Variants in ARHGAP26 observed in about 807,000 individuals in gnomAD.
ARHGAP26 encodes rho GTPase-activating protein 26.
Under a neutral mutation model 104.8 loss-of-function variants are expected in ARHGAP26, and 38 were observed. The observed-to-expected ratio is 0.36, with a 90% confidence interval of 0.28 to 0.48. The LOEUF is 0.48. Among genes scored for constraint, ARHGAP26 ranks in the 20% least tolerant of loss-of-function variants. The pLI is 0.99. For missense variants in ARHGAP26, 704 were observed against 947.9 expected (o/e 0.74, Z 3.38); for synonymous variants, 341 against 340.0 (o/e 1.00, Z -0.03).
In ARHGAP26 at chr5:143,214,019, G is replaced by GTT. The variant is rs1441541073; in HGVS notation, c.2122_2123insTT (p.Ala708ValfsTer38). The GTT allele has an allele frequency of 6.3e-7, 1 of 1,593,366 alleles. No homozygotes were observed. The highest frequency in any genetic ancestry group is 8.6e-7 in the Non-Finnish European group (1 of 1,165,934). ...CAGCACACCGTTCCGGAAGGCAAAA[G>GTT]CCTTGTATGCCTGCAAAGCTGAACA... On this transcript the variant is annotated frameshift_variant, in exon 22 of 23. Coordinates refer to ENST00000645722, the MANE Select transcript of ARHGAP26 (RefSeq NM_001135608.3). LOFTEE classifies it high-confidence loss of function.
At chr5:142,846,635 C>T (rs1050964225) in intron 1 of ARHGAP26, among the ~76,000 whole-genome samples, 1 of 152,138 alleles carries the variant, frequency 6.6e-6, no homozygotes, top group African/African-American at 2.4e-5. Flanking sequence ...CTTTATACCC[C>T]AGAATGAAGA....
chr5:142,906,501 C>T (rs1761126126), intron 8 of ARHGAP26, among the ~76,000 whole-genome samples: 1 of 152,192 alleles, frequency 6.6e-6, no homozygotes, highest in Admixed American at 6.5e-5. Flanking sequence ...CTTCCTCCCT[C>T]TCTCCCTTCC....
At chr5:143,078,077 G>C (rs1004017955) in intron 17 of ARHGAP26, among the ~76,000 whole-genome samples, 1 of 152,222 alleles carries the variant, frequency 6.6e-6, no homozygotes, top group Non-Finnish European at 1.5e-5. Context: ...ACAGGAAGAA[G>C]GGAGGGAGGA....
chr5:143,101,802 G>A (rs1793275341), intron 17 of ARHGAP26, among the ~76,000 whole-genome samples: 1 of 151,672 alleles, frequency 6.6e-6, no homozygotes, highest in African/African-American at 2.4e-5. Flanking sequence ...AATTTAACTG[G>A]ACAAGATAGG....
intron 19 of ARHGAP26, among the ~76,000 whole-genome samples, chr5:143,138,739 A>G (rs1010064449): frequency 1.2e-4 from 18 of 152,254 alleles, no homozygotes; most frequent in African/African-American, 3.6e-4. Context: ...CTATGACTAT[A>G]TAACTTACCA....
intron 20 of ARHGAP26, among the ~76,000 whole-genome samples, chr5:143,195,335 A>G (rs1456909405): frequency 6.6e-6 from 1 of 152,200 alleles, no homozygotes; most frequent in Non-Finnish European, 1.5e-5. Context: ...GTAAGCTGAA[A>G]TGCCTTGGGC....
At chr5:142,916,485 T>A (rs1484290974) in intron 10 of ARHGAP26, among the ~76,000 whole-genome samples, 1 of 152,228 alleles carries the variant, frequency 6.6e-6, no homozygotes, top group Non-Finnish European at 1.5e-5. Context: ...AATCCATATT[T>A]TCAAGCTTTT....
intron 20 of ARHGAP26, chr5:143,169,712 A>AC (rs1230786766): frequency 1.3e-5 from 2 of 152,174 alleles, no homozygotes; most frequent in East Asian, 3.9e-4. Flanking sequence ...GGAGAACAAC[A>AC]CCCAAGGCAC....
At chr5:142,846,681 T>A (rs1398967240) in intron 1 of ARHGAP26, among the ~76,000 whole-genome samples, 1 of 152,216 alleles carries the variant, frequency 6.6e-6, no homozygotes, top group Non-Finnish European at 1.5e-5. Flanking sequence ...AAAAGAGACT[T>A]ACATTTTGTG....
chr5:142,946,618 T>G (rs374590683), intron 11 of ARHGAP26: 2 of 152,220 alleles, frequency 1.3e-5, no homozygotes, highest in African/African-American at 4.8e-5. Context: ...AAAGATGATA[T>G]TTAAAAACAC....
chr5:143,024,347 A>G (rs962302420), intron 12 of ARHGAP26, among the ~76,000 whole-genome samples: 3 of 152,074 alleles, frequency 2.0e-5, no homozygotes, highest in Non-Finnish European at 4.4e-5. Context: ...AGACTGGCAG[A>G]TGCAGCCAGT....
intron 5 of ARHGAP26, among the ~76,000 whole-genome samples, chr5:142,890,151 A>AAAAAAAAAAAATATATAT (rs1252590997): frequency 6.2e-5 from 2 of 32,432 alleles, no homozygotes; most frequent in African/African-American, 2.4e-4. Flanking sequence ...AAAAAAAAAA[A>AAAAAAAAAAAATATATAT]ATATATATAT....
At chr5:143,138,183 A>G (rs1156293921) in intron 19 of ARHGAP26, among the ~76,000 whole-genome samples, 1 of 152,018 alleles carries the variant, frequency 6.6e-6, no homozygotes, top group East Asian at 1.9e-4. Flanking sequence ...CTTTTCCTAA[A>G]CGTAAAGCTG....
At chr5:142,914,947 A>G (rs1762286719) in intron 10 of ARHGAP26, among the ~76,000 whole-genome samples, 1 of 152,156 alleles carries the variant, frequency 6.6e-6, no homozygotes, top group Non-Finnish European at 1.5e-5. Flanking sequence ...GTTCCTAGAG[A>G]TAACCGTCTG....
At chr5:142,797,794 A>C (rs1171409444) in intron 1 of ARHGAP26, among the ~76,000 whole-genome samples, 1 of 152,188 alleles carries the variant, frequency 6.6e-6, no homozygotes, top group Non-Finnish European at 1.5e-5. Context: ...ATCTCCAAAG[A>C]CCAGTTGCCA....
chr5:142,978,795 A>G (rs1773511364), intron 11 of ARHGAP26, among the ~76,000 whole-genome samples: 1 of 150,452 alleles, frequency 6.6e-6, no homozygotes, highest in African/African-American at 2.4e-5. Context: ...AAGATAAAAA[A>G]TTGGGGGAAA....
chr5:142,849,352 C>A (rs1364698010), intron 1 of ARHGAP26, among the ~76,000 whole-genome samples: 1 of 152,178 alleles, frequency 6.6e-6, no homozygotes, highest in East Asian at 1.9e-4. Flanking sequence ...TCTCTCCCCT[C>A]CCAGAGCATT....
intron 20 of ARHGAP26, among the ~76,000 whole-genome samples, chr5:143,206,129 C>T (rs1379719133): frequency 6.6e-6 from 1 of 152,170 alleles, no homozygotes; most frequent in African/African-American, 2.4e-5. Flanking sequence ...TTTGTGTGTG[C>T]CTGCTAAATT....
chr5:142,869,527 G>A (rs1754956555), intron 1 of ARHGAP26, among the ~76,000 whole-genome samples: 1 of 152,126 alleles, frequency 6.6e-6, no homozygotes, highest in South Asian at 2.1e-4. Flanking sequence ...TGACTGAGCA[G>A]CAAAACATTT....
Sources: gnomAD v4.1 joint callset for allele counts (sites outside exome capture counted in the v4.1 genomes callset) on GRCh38, gnomAD v4.1.1 for gene constraint, MANE v1.5 for transcripts, NCBI Gene and HGNC (gene_info 2026-07-23, HGNC 2026-07-21) for gene names.